RPRD2: variants seen among roughly 807,000 people sequenced by gnomAD.
RPRD2 encodes regulation of nuclear pre-mRNA domain containing 2, also known as regulation of nuclear pre-mRNA domain-containing protein 2.
A neutral mutation model predicts 104.4 loss-of-function variants in RPRD2; 12 were observed. The ratio of observed to expected loss-of-function variants is 0.11; its 90% CI spans 0.07 to 0.19. The LOEUF is 0.19. Among genes scored for constraint, RPRD2 ranks in the 10% least tolerant of loss-of-function variants. The probability of loss-of-function intolerance (pLI) is 1.00; values close to 1 mark genes in which losing one functional copy is unlikely to be tolerated. For synonymous variants in RPRD2, 714 were observed against 684.9 expected (o/e 1.04, Z -0.66); for missense variants, 1,543 against 1,790.1 (o/e 0.86, Z 2.49).
intron 7 of RPRD2, 80 bp downstream of exon 7, chr1:150,446,481 T>C: frequency 8.4e-7 from 1 of 1,184,948 alleles, no homozygotes; most frequent in Non-Finnish European, 1.2e-6. Context: ...TATCTAACTC[T>C]GTTAGGATAT....
At position 150,446,383 on chromosome 1, in the gene RPRD2, A is replaced by G. The variant is rs1666772985; in HGVS notation, c.852A>G (p.Glu284=). Reference sequence around the variant, plus strand: ...TTTTCTATGAAGCACAATACAAAGAAGTAAAAGTGGTGGCTAATGTAAGTA... The same window carrying G: ...TTTTCTATGAAGCACAATACAAAGAGGTAAAAGTGGTGGCTAATGTAAGTA... ...AGIFYEAQYK[E]VKVVANAYKT... The change falls in exon 7 of 11, where the codon GAA becomes GAG. Residue 284 remains glutamate, a synonymous_variant. Coordinates refer to ENST00000369068, the MANE Select transcript of RPRD2 (RefSeq NM_015203.5). The G allele has an allele frequency of 6.3e-7, 1 of 1,595,052 alleles. No individual in the cohort carries two copies. Among genetic ancestry groups the G allele is most frequent in the Non-Finnish European group, 8.5e-7 (1 of 1,175,494 alleles).
At position 150,472,147 on chromosome 1, in the gene RPRD2, G is replaced by A. The variant is rs375468812; in HGVS notation, c.3199G>A (p.Val1067Ile). 9.3e-6 allele frequency: 15 copies of A among 1,613,702 alleles called. No homozygotes were observed. Among genetic ancestry groups the A allele is most frequent in the South Asian group, 2.2e-5 (2 of 91,086 alleles). Residue 1067 changes from valine to isoleucine, a missense_variant, in exon 11 of 11, where the codon GTC becomes ATC. Coordinates refer to ENST00000369068, the MANE Select transcript of RPRD2 (RefSeq NM_015203.5). ...QEEHYRIETR[V>I]SSSCLDLPDS... The stretch of plus-strand genomic sequence containing the variant: ...AGAGCACTACCGCATAGAAACCCGC[G>A]TCTCCTCCTCCTGCTTAGACTTGCC...
chr1:150,383,168 A>C (rs1280284138), intron 1 of RPRD2, among the ~76,000 whole-genome samples: 1 of 146,188 alleles, frequency 6.8e-6, no homozygotes, highest in Admixed American at 6.8e-5. Context: ...TAACTATTAA[A>C]ATTTTTTGTA....
chr1:150,391,930 G>C (rs587749502), intron 1 of RPRD2, among the ~76,000 whole-genome samples: 1 of 151,334 alleles, frequency 6.6e-6, no homozygotes, highest in African/African-American at 2.4e-5. Context: ...TAAAAAAAAG[G>C]ACAAAACTAT....
rs61486244 is a variant in RPRD2 at position 150,473,556 on chromosome 1, T to TAA, written c.*244_*245dup. ...TCTACCTTCCCCAAGTTGTTTGTAT[T>TAA]AAAAAAAAAAAAAAAAAAAAAAAGT... is the stretch of plus-strand genomic sequence containing the variant. On this transcript the variant is annotated 3_prime_UTR_variant, in exon 11 of 11. Coordinates refer to ENST00000369068, the MANE Select transcript of RPRD2 (RefSeq NM_015203.5). 90 of 98,358 alleles carry TAA rather than the reference T, an allele frequency of 9.2e-4. No individual in the cohort carries two copies. The highest frequency in any genetic ancestry group is 1.2e-3 in the South Asian group (4 of 3,308). 6.1% of individuals were successfully genotyped at this position (98,358 alleles called of 1,614,324 possible).
intron 1 of RPRD2, among the ~76,000 whole-genome samples, chr1:150,394,733 C>T (rs1427152832): frequency 6.6e-6 from 1 of 152,088 alleles, no homozygotes; most frequent in African/African-American, 2.4e-5. Flanking sequence ...TGGTGCACAC[C>T]ACCATGCCTG....
At chr1:150,425,672 T>C (rs1665074658) in intron 2 of RPRD2, among the ~76,000 whole-genome samples, 1 of 152,042 alleles carries the variant, frequency 6.6e-6, no homozygotes, top group Non-Finnish European at 1.5e-5. Flanking sequence ...TAAATTTCCT[T>C]CCATCTTTAT....
intron 1 of RPRD2, among the ~76,000 whole-genome samples, chr1:150,369,935 C>G (rs1261698863): frequency 2.0e-5 from 3 of 151,952 alleles, no homozygotes; most frequent in African/African-American, 4.8e-5. Flanking sequence ...CACATGCCAC[C>G]ACGCCCAACT....
chr1:150,431,010 T>C (rs1422127842), intron 2 of RPRD2, among the ~76,000 whole-genome samples: 2 of 151,904 alleles, frequency 1.3e-5, no homozygotes, highest in African/African-American at 4.8e-5. Flanking sequence ...CAATAACATA[T>C]ACTAAATAGC....
At chr1:150,467,555 G>A (rs1367327067) in intron 10 of RPRD2, among the ~76,000 whole-genome samples, 1 of 151,850 alleles carries the variant, frequency 6.6e-6, no homozygotes, top group African/African-American at 2.4e-5. Context: ...TGTATTTTTA[G>A]TAGACACGGG....
At chr1:150,388,393 T>TGTATATACGTATATACACGTATACAC (rs1661779550) in intron 1 of RPRD2, among the ~76,000 whole-genome samples, 1 of 150,536 alleles carries the variant, frequency 6.6e-6, no homozygotes, top group Admixed American at 6.7e-5. Context: ...CGTATACACA[T>TGTATATACGTATATACACGTATACAC]GTATATACGT....
chr1:150,430,671 T>C (rs1553891476), intron 2 of RPRD2, among the ~76,000 whole-genome samples: 1 of 152,230 alleles, frequency 6.6e-6, no homozygotes, highest in African/African-American at 2.4e-5. Context: ...GGCTCACGCC[T>C]GTCATCCCAG....
intron 1 of RPRD2, among the ~76,000 whole-genome samples, chr1:150,389,512 A>G (rs999700739): frequency 1.8e-4 from 28 of 152,180 alleles, no homozygotes; most frequent in African/African-American, 6.5e-4. Flanking sequence ...TCATCACATG[A>G]TATCAAGAGT....
intron 1 of RPRD2, among the ~76,000 whole-genome samples, chr1:150,410,823 A>G (rs1453481293): frequency 6.6e-6 from 1 of 152,200 alleles, no homozygotes; most frequent in African/African-American, 2.4e-5. Context: ...TCACAGTTCT[A>G]GAGGTTGCAG....
chr1:150,386,561 G>A (rs75108286), intron 1 of RPRD2, among the ~76,000 whole-genome samples: 3,041 of 152,274 alleles, frequency 0.02, 80 homozygotes, highest in Admixed American at 0.071. Context: ...TACATATTGA[G>A]CAGTCCAACT....
At chr1:150,445,551 A>G (rs942112292) in intron 6 of RPRD2, among the ~76,000 whole-genome samples, 4 of 152,246 alleles carry the variant, frequency 2.6e-5, no homozygotes, top group Non-Finnish European at 4.4e-5. Context: ...AAGTTATGGT[A>G]TAAGCGAATA....
At chr1:150,386,665 G>A (rs1479113732) in intron 1 of RPRD2, among the ~76,000 whole-genome samples, 2 of 151,818 alleles carry the variant, frequency 1.3e-5, no homozygotes, top group African/African-American at 4.8e-5. Context: ...GTTTACTTAA[G>A]GTTTACAATA....
chr1:150,394,550 G>A (rs1202514385), intron 1 of RPRD2, among the ~76,000 whole-genome samples: 1 of 152,112 alleles, frequency 6.6e-6, no homozygotes, highest in Admixed American at 6.6e-5. Flanking sequence ...GTAAAATATA[G>A]GAATGTTTAC....
chr1:150,471,509 C>T lies in RPRD2; in HGVS notation c.2561C>T (p.Ala854Val). 1.2e-6 allele frequency: 2 copies of T among 1,613,822 alleles called. No individual in the cohort carries two copies. Among genetic ancestry groups the T allele is most frequent in the Non-Finnish European group, 1.7e-6 (2 of 1,179,864 alleles). ...SAMMNLEKKP[A>V]KSILKSSKLS... ...ATGATGAACCTAGAGAAGAAACCAG[C>T]CAAATCTATCCTGAAATCAAGCAAG... Residue 854 changes from alanine to valine, a missense_variant, in exon 11 of 11, where the codon GCC becomes GTC. Ala to Val is a moderately conservative substitution (Grantham distance 64). Transcript: ENST00000369068. The surrounding 1 kb of genome is among the most constrained non-coding windows in gnomAD (Gnocchi z 5.3).
Sources: allele counts gnomAD v4.1 joint callset (sites outside exome capture counted in the v4.1 genomes callset), GRCh38; gene constraint gnomAD v4.1.1; non-coding constraint Gnocchi (gnomAD v3.1); transcripts MANE v1.5; gene names NCBI Gene and HGNC (gene_info 2026-07-23, HGNC 2026-07-21).